The following ARHGAP28 variants were observed in gnomAD, a reference collection of about 807,000 sequenced individuals.
The protein encoded by ARHGAP28 is rho GTPase-activating protein 28.
A neutral mutation model predicts 90.7 loss-of-function variants in ARHGAP28; 56 were observed. That is an observed-to-expected ratio of 0.62 (90% CI 0.50 to 0.77). The LOEUF is 0.77. ARHGAP28 is among the 30% of genes least tolerant of loss of function. The pLI, the probability that ARHGAP28 is intolerant of heterozygous loss-of-function variation, is 0.00. For missense variants in ARHGAP28, 869 were observed against 900.9 expected (o/e 0.96, Z 0.45); for synonymous variants, 308 against 323.3 (o/e 0.95, Z 0.51).
intron 6 of ARHGAP28, among the ~76,000 whole-genome samples, chr18:6,870,112 A>C (rs1030363232): frequency 2.0e-5 from 3 of 152,210 alleles, no homozygotes; most frequent in African/African-American, 7.2e-5. Context: ...AACAAACCTT[A>C]AGAGGCAGAT....
intron 16 of ARHGAP28, among the ~76,000 whole-genome samples, chr18:6,906,672 A>G (rs1312122348): frequency 1.3e-5 from 2 of 152,256 alleles, no homozygotes; most frequent in Non-Finnish European, 2.9e-5. Context: ...GTAAAACTAT[A>G]AAACCCTTAG....
At chr18:6,850,821 G>A (rs887039229) in intron 3 of ARHGAP28, 33 of 1,530,582 alleles carry the variant, frequency 2.2e-5, no homozygotes, top group African/African-American at 2.8e-5. Flanking sequence ...CTTCTGAGAC[G>A]AATTCTGTTA....
At chr18:6,731,332 C>A (rs1053133225) in intron 1 of ARHGAP28, among the ~76,000 whole-genome samples, 8 of 151,650 alleles carry the variant, frequency 5.3e-5, no homozygotes, top group African/African-American at 1.9e-4. Context: ...AAAGCATGGG[C>A]CAAGTTTGTC....
intron 1 of ARHGAP28, among the ~76,000 whole-genome samples, chr18:6,731,292 G>T (rs186602830): frequency 0.039 from 2,010 of 51,290 alleles, 17 homozygotes; most frequent in Non-Finnish European, 0.07. Flanking sequence ...ATATGTGTGC[G>T]TGTGTGTGTG....
chr18:6,905,971 G>C (rs2143843658), intron 16 of ARHGAP28, among the ~76,000 whole-genome samples: 1 of 152,116 alleles, frequency 6.6e-6, no homozygotes, highest in Non-Finnish European at 1.5e-5. Context: ...TCCCCAAATT[G>C]ATCTATGAGT....
chr18:6,911,707 A>G (rs2057400518), intron 17 of ARHGAP28, among the ~76,000 whole-genome samples: 1 of 152,134 alleles, frequency 6.6e-6, no homozygotes, highest in Non-Finnish European at 1.5e-5. Context: ...AAGTGCTGGA[A>G]TTACAGGTGT....
At chr18:6,831,421 T>A (rs7244520) in intron 2 of ARHGAP28, among the ~76,000 whole-genome samples, 140,239 of 149,418 alleles carry the variant, frequency 0.94, 66,139 homozygotes, top group African/African-American at 0.99. Context: ...CTGTCTTTTC[T>A]GTTGTTTGTT....
At chr18:6,808,143 A>G (rs1391911956) in intron 1 of ARHGAP28, among the ~76,000 whole-genome samples, 1 of 151,900 alleles carries the variant, frequency 6.6e-6, no homozygotes, top group Admixed American at 6.6e-5. Context: ...ATATCCTCCT[A>G]TTGGTCACAG....
intron 1 of ARHGAP28, among the ~76,000 whole-genome samples, chr18:6,758,263 G>A (rs574307039): frequency 3.7e-4 from 56 of 152,060 alleles, no homozygotes; most frequent in Non-Finnish European, 6.3e-4. Context: ...GTTAAAAGCC[G>A]TAAAGCATAA....
In ARHGAP28 at chr18:6,908,971, C is replaced by T; in HGVS notation, c.2042C>T (p.Ser681Leu). 1 of 1,539,832 alleles carries T rather than the reference C, an allele frequency of 6.5e-7. No homozygotes were observed. Among genetic ancestry groups the T allele is most frequent in the Non-Finnish European group, 9.0e-7 (1 of 1,117,276 alleles). ...CTCATTTTTTTCAGTCATGGTTCAT[C>T]AGAATGTATTAAGATTCAGAACCAA... ...KFQYENSHGSSECIKIQNQRL... is the reference protein window; with the variant it reads ...KFQYENSHGSLECIKIQNQRL... The change falls in exon 17 of 18, where the codon TCA (serine) becomes TTA (leucine). Residue 681 changes from serine to leucine, a missense_variant. Ser to Leu is a moderately radical substitution (Grantham distance 145, BLOSUM62 -2). Transcript: ENST00000383472.
At chr18:6,812,074 C>T (rs75414930) in intron 1 of ARHGAP28, among the ~76,000 whole-genome samples, 1 of 152,140 alleles carries the variant, frequency 6.6e-6, no homozygotes, top group African/African-American at 2.4e-5. Flanking sequence ...ATAGCCAAAC[C>T]ATATTTTCCC....
rs2057408704 is a variant in ARHGAP28 at position 6,913,340 on chromosome 18, G to A, written c.*1186G>A. 1 of 152,180 alleles carries A rather than the reference G, an allele frequency of 6.6e-6. No individual in the cohort carries two copies. 9.4% of individuals were successfully genotyped at this position (152,180 alleles called of 1,614,324 possible). ...CTAAAAGGTGCTGAGGGATTGGACA[G>A]CTCTGACTTTCCTCGAGACTATGGA... On this transcript the variant is annotated 3_prime_UTR_variant, in exon 18 of 18. Coordinates refer to ENST00000383472, the MANE Select transcript of ARHGAP28 (RefSeq NM_001366230.1).
At chr18:6,736,468 A>T (rs1377765712) in intron 1 of ARHGAP28, among the ~76,000 whole-genome samples, 2 of 152,028 alleles carry the variant, frequency 1.3e-5, no homozygotes, top group East Asian at 3.9e-4. Context: ...GGCTGGGTGC[A>T]GTGGCTCACA....
At chr18:6,889,610 T>C (rs1206654693) in intron 12 of ARHGAP28, among the ~76,000 whole-genome samples, 1 of 152,222 alleles carries the variant, frequency 6.6e-6, no homozygotes, top group East Asian at 1.9e-4. Context: ...CAGACTCTTT[T>C]AGGATAAAAG....
At chr18:6,749,449 C>T (rs2056051170) in intron 1 of ARHGAP28, among the ~76,000 whole-genome samples, 1 of 152,016 alleles carries the variant, frequency 6.6e-6, no homozygotes, top group African/African-American at 2.4e-5. Context: ...ACATTTGAGC[C>T]CCAAGGACCC....
rs1014731791 is a variant in ARHGAP28 at position 6,915,405 on chromosome 18, G to A, written c.*3251G>A. On this transcript the variant is annotated 3_prime_UTR_variant, in exon 18 of 18. Coordinates refer to ENST00000383472, the MANE Select transcript of ARHGAP28 (RefSeq NM_001366230.1). ...TGTTAAAGGATTAAATAGTTTCTCTGACAGGCAGTTTTTAACTGTTTTCCA... is the reference window on the plus strand; with the variant it reads ...TGTTAAAGGATTAAATAGTTTCTCTAACAGGCAGTTTTTAACTGTTTTCCA... 1.3e-5 allele frequency: 2 copies of A among 152,188 alleles called. No individual in the cohort carries two copies. The highest frequency in any genetic ancestry group is 2.9e-5 in the Non-Finnish European group (2 of 68,030). 9.4% of individuals were successfully genotyped at this position (152,188 alleles called of 1,614,324 possible).
chr18:6,838,980 A>G (rs1285230137), intron 3 of ARHGAP28, among the ~76,000 whole-genome samples: 1 of 152,218 alleles, frequency 6.6e-6, no homozygotes, highest in Non-Finnish European at 1.5e-5. Flanking sequence ...GACCATCCGT[A>G]TCAGATGTTC....
At chr18:6,841,119 TTCTCTC>T (rs149011221) in intron 3 of ARHGAP28, among the ~76,000 whole-genome samples, 1 of 117,108 alleles carries the variant, frequency 8.5e-6, no homozygotes, top group Admixed American at 8.9e-5. Flanking sequence ...GGTCCTTCTC[TTCTCTC>T]TCTCTCTCCT....
At chr18:6,831,488 CT>C (rs76200243) in intron 2 of ARHGAP28, among the ~76,000 whole-genome samples, 2,225 of 69,580 alleles carry the variant, frequency 0.032, 31 homozygotes, top group African/African-American at 0.097. Context: ...TTTTTTTTTT[CT>C]TTTTTTTTTT....
Sources: allele counts gnomAD v4.1 joint callset (sites outside exome capture counted in the v4.1 genomes callset), GRCh38; gene constraint gnomAD v4.1.1; transcripts MANE v1.5; gene names NCBI Gene and HGNC (gene_info 2026-07-23, HGNC 2026-07-21).